Variants in DOCK10 observed in about 807,000 individuals in gnomAD.
The protein encoded by DOCK10 is dedicator of cytokinesis protein 10.
A neutral mutation model predicts 280.1 loss-of-function variants in DOCK10; 145 were observed. The observed-to-expected ratio is 0.52, with a 90% CI of 0.45 to 0.59. The LOEUF is 0.59. Ranked by LOEUF, DOCK10 falls within the 20% of genes least tolerant of loss-of-function variation. The pLI, the probability that DOCK10 is intolerant of heterozygous loss-of-function variation, is 0.00. For missense variants in DOCK10, 2,368 were observed against 2,651.7 expected (o/e 0.89, Z 2.35); for synonymous variants, 915 against 942.2 (o/e 0.97, Z 0.53).
intron 50 of DOCK10, among the ~76,000 whole-genome samples, chr2:224,782,027 C>A (rs1691377864): frequency 1.3e-5 from 2 of 152,030 alleles, no homozygotes; most frequent in Non-Finnish European, 2.9e-5. Context: ...CAATACTAGG[C>A]TAAATGCTAA....
At chr2:224,839,841 T>C (rs1695839316) in intron 24 of DOCK10, 113 bp downstream of exon 24, 2 of 462,752 alleles carry the variant, frequency 4.3e-6, no homozygotes, top group South Asian at 1.5e-4. Context: ...AAATTTGAGA[T>C]GTGTTCAAAT....
chr2:224,931,544 C>A lies in DOCK10; in HGVS notation c.243+5G>T. 6.2e-7 allele frequency: 1 copy of A among 1,603,796 alleles called. No individual in the cohort carries two copies. Among genetic ancestry groups the A allele is most frequent in the Non-Finnish European group, 8.5e-7 (1 of 1,174,900 alleles). On this transcript the variant is annotated splice_donor_5th_base_variant and intron_variant, in intron 2 of 55. Transcript: ENST00000258390. Reference sequence around the variant, plus strand: ...ATCTAAATGGCTTGAGAAGAGAAGACTTACTGAAAAGTCATCACTGGGGAA... The same window carrying A: ...ATCTAAATGGCTTGAGAAGAGAAGAATTACTGAAAAGTCATCACTGGGGAA...
chr2:224,921,753 G>A (rs920903359), intron 2 of DOCK10, among the ~76,000 whole-genome samples: 1 of 152,176 alleles, frequency 6.6e-6, no homozygotes, highest in Admixed American at 6.5e-5. Context: ...TGCCCATAAC[G>A]TGCTATTGAT....
intron 1 of DOCK10, among the ~76,000 whole-genome samples, chr2:224,971,974 CT>C (rs1451665649): frequency 1.3e-5 from 2 of 151,990 alleles, no homozygotes; most frequent in East Asian, 1.9e-4. Flanking sequence ...ACTTAATATG[CT>C]TTTTTTCTTT....
chr2:225,021,388 C>G (rs1021167267), intron 1 of DOCK10, among the ~76,000 whole-genome samples: 1 of 152,122 alleles, frequency 6.6e-6, no homozygotes, highest in African/African-American at 2.4e-5. Context: ...ATGGTTCTAC[C>G]CACCCAGGAG....
At chr2:224,866,220 C>A (rs1371586118) in intron 11 of DOCK10, among the ~76,000 whole-genome samples, 1 of 152,118 alleles carries the variant, frequency 6.6e-6, no homozygotes, top group East Asian at 1.9e-4. Flanking sequence ...CAAAACTGTT[C>A]CTCAGTCTTT....
chr2:224,951,923 C>T (rs767236808), intron 1 of DOCK10, among the ~76,000 whole-genome samples: 1 of 152,204 alleles, frequency 6.6e-6, no homozygotes, highest in Non-Finnish European at 1.5e-5. Context: ...TCCCCTGACT[C>T]AAGGACCCTT....
At chr2:224,957,291 C>CCCT (rs1553622562) in intron 1 of DOCK10, among the ~76,000 whole-genome samples, 1 of 146,100 alleles carries the variant, frequency 6.8e-6, no homozygotes, top group Non-Finnish European at 1.5e-5. Context: ...TTCCGCCCCC[C>CCCT]CCCGGCTTTG....
chr2:224,942,809 TGGG>T (rs1475327193), intron 1 of DOCK10, among the ~76,000 whole-genome samples: 1 of 152,224 alleles, frequency 6.6e-6, no homozygotes, highest in African/African-American at 2.4e-5. Context: ...TGAATTTTCA[TGGG>T]TATCCAGTTT....
chr2:224,796,787 G>A (rs899215285), intron 43 of DOCK10, among the ~76,000 whole-genome samples, 177 bp downstream of exon 43: 1 of 152,170 alleles, frequency 6.6e-6, no homozygotes, highest in Non-Finnish European at 1.5e-5. Context: ...GGGCTCTGCT[G>A]ATTTCTGCCC....
rs150481916 is a variant in DOCK10 at position 224,973,763 on chromosome 2, AG to A, written c.124-42096del. On this transcript the variant is annotated intron_variant, in intron 1 of 55. Transcript: ENST00000258390. ...CCCTCACGACTCTCATTTTACAGAC[AG>A]GGAAGCCAAGGTATACAGAATTTAA... 5.6e-4 allele frequency among the ~76,000 whole-genome samples: 85 copies of A among 152,326 alleles called. 1 individual carries two copies. In the East Asian group the frequency reaches 0.014, roughly 26 times the overall value.
chr2:224,939,235 T>A (rs1399841360), intron 1 of DOCK10, among the ~76,000 whole-genome samples: 1 of 152,216 alleles, frequency 6.6e-6, no homozygotes, highest in Non-Finnish European at 1.5e-5. Flanking sequence ...ACACACATTA[T>A]CGTTAGAAAA....
At chr2:225,000,745 T>A (rs1706408945) in intron 1 of DOCK10, among the ~76,000 whole-genome samples, 1 of 152,184 alleles carries the variant, frequency 6.6e-6, no homozygotes, top group African/African-American at 2.4e-5. Flanking sequence ...TTTGGGAGCC[T>A]GAGACAGGAG....
At chr2:224,973,224 T>C (rs1039301583) in intron 1 of DOCK10, among the ~76,000 whole-genome samples, 26 of 152,278 alleles carry the variant, frequency 1.7e-4, no homozygotes, top group Non-Finnish European at 3.7e-4. Flanking sequence ...CCCTGATAGA[T>C]AGTATGGTAG....
intron 1 of DOCK10, among the ~76,000 whole-genome samples, chr2:225,032,528 C>T (rs1262377666): frequency 3.9e-5 from 6 of 152,030 alleles, no homozygotes; most frequent in Non-Finnish European, 8.8e-5. Flanking sequence ...ATTTTTTTCA[C>T]TTCAGAATAA....
At chr2:224,952,969 T>C (rs1255374118) in intron 1 of DOCK10, among the ~76,000 whole-genome samples, 1 of 152,240 alleles carries the variant, frequency 6.6e-6, no homozygotes, top group South Asian at 2.1e-4. Flanking sequence ...GCATCATCAC[T>C]GAATCTAAGC....
intron 46 of DOCK10, 55 bp downstream of exon 46, chr2:224,793,345 A>G: frequency 1.5e-6 from 2 of 1,348,100 alleles, no homozygotes; most frequent in Middle Eastern, 3.7e-4. Context: ...TATTTCTATT[A>G]GGCTTCAATG....
At chr2:224,877,511 C>CCT (rs1380709422) in intron 7 of DOCK10, among the ~76,000 whole-genome samples, 94 of 106,460 alleles carry the variant, frequency 8.8e-4, no homozygotes, top group South Asian at 4.4e-3. Flanking sequence ...TCCAAGTTGA[C>CCT]ATTCTAGTAG....
At chr2:224,940,806 G>A (rs1379143983) in intron 1 of DOCK10, among the ~76,000 whole-genome samples, 2 of 152,114 alleles carry the variant, frequency 1.3e-5, no homozygotes, top group African/African-American at 4.8e-5. Flanking sequence ...TGGTTGTGTG[G>A]GAAGTTCCGG....
Sources: gnomAD v4.1 joint callset for allele counts (sites outside exome capture counted in the v4.1 genomes callset) on GRCh38, gnomAD v4.1.1 for gene constraint, MANE v1.5 for transcripts, NCBI Gene and HGNC (gene_info 2026-07-23, HGNC 2026-07-21) for gene names.